The following CDC42 variants were observed in gnomAD, a reference collection of about 807,000 sequenced individuals.
The protein encoded by CDC42 is cell division cycle 42.
Under a neutral mutation model 20.8 loss-of-function variants are expected in CDC42, and 1 was observed. The ratio of observed to expected loss-of-function variants is 0.05; its 90% confidence interval spans 0.02 to 0.23. The LOEUF is 0.23. CDC42 is among the 10% of genes least tolerant of loss of function. The pLI is 1.00. For synonymous variants in CDC42, 72 were observed against 84.8 expected, an observed-to-expected ratio of 0.85 and a Z score of 0.83; for missense variants, 49 against 227.9, an observed-to-expected ratio of 0.21 and a Z score of 5.05.
At chr1:22,067,715 A>G (rs986228610) in intron 1 of CDC42, among the ~76,000 whole-genome samples, 1 of 152,100 alleles carries the variant, frequency 6.6e-6, no homozygotes, top group Non-Finnish European at 1.5e-5. Flanking sequence ...GGTGTCTTAT[A>G]AGGCCACTAA....
intron 1 of CDC42, among the ~76,000 whole-genome samples, chr1:22,073,660 T>C (rs1645517341): frequency 6.6e-6 from 1 of 152,172 alleles, no homozygotes; most frequent in Non-Finnish European, 1.5e-5. Context: ...ATTGGCAGAA[T>C]CATTTTAAAA....
At chr1:22,058,778 C>T (rs532481256) in intron 1 of CDC42, among the ~76,000 whole-genome samples, 5 of 151,908 alleles carry the variant, frequency 3.3e-5, no homozygotes, top group African/African-American at 7.2e-5. Flanking sequence ...GGATTACAGG[C>T]GTGAACCACC....
At chr1:22,058,254 T>C (rs1270055980) in intron 1 of CDC42, among the ~76,000 whole-genome samples, 1 of 152,214 alleles carries the variant, frequency 6.6e-6, no homozygotes, top group African/African-American at 2.4e-5. Context: ...TCAGGACTGC[T>C]AGAGTGATGT....
In CDC42 at chr1:22,100,474, G is replaced by A. The variant is rs1257232170; in HGVS notation, c.*8957G>A. 6.6e-6 allele frequency: 1 copy of A among 152,230 alleles called. No homozygotes were observed. Among genetic ancestry groups the A allele is most frequent in the Admixed American group, 6.5e-5 (1 of 15,290 alleles). The allele number at this position is 152,230 out of a possible 1,614,324, so 9.4% of individuals were successfully genotyped here. ...TAACTTGATCTATGTCTTCAGGCAA[G>A]TAACTTAAATGCTCTGAGTGTTGCA... On this transcript the variant is annotated 3_prime_UTR_variant, in exon 6 of 6. Transcript: ENST00000656825.
chr1:22,093,037 CA>C lies in CDC42; in HGVS notation c.*1523del. On this transcript the variant is annotated 3_prime_UTR_variant, in exon 6 of 6. Coordinates refer to ENST00000656825, the MANE Select transcript of CDC42 (RefSeq NM_001791.4). ...GACTCTTGATAACATCAATTTCTAA[CA>C]AACTTTGGGATAAAATTTTAAAGCT... 1 of 152,730 alleles carries C rather than the reference CA, an allele frequency of 6.5e-6. No individual in the cohort carries two copies. The highest frequency in any genetic ancestry group is 2.4e-5 in the African/African-American group (1 of 41,582). The allele number at this position is 152,730 out of a possible 1,614,324, so 9.5% of individuals were successfully genotyped here. A position where few individuals can be genotyped will look rare whatever the true frequency, so the allele number is the denominator to read the frequency against.
At chr1:22,068,003 C>T (rs576847564) in intron 1 of CDC42, among the ~76,000 whole-genome samples, 19 of 152,142 alleles carry the variant, frequency 1.2e-4, no homozygotes, top group African/African-American at 4.3e-4. Flanking sequence ...ATCCCTTGAG[C>T]CCAGGAAGGT....
At chr1:22,069,634 T>TAAA in intron 1 of CDC42, among the ~76,000 whole-genome samples, 4 of 145,826 alleles carry the variant, frequency 2.7e-5, no homozygotes, top group Non-Finnish European at 6.0e-5. Context: ...TTTTTTTTTT[T>TAAA]TTTTTAATTT....
At chr1:22,090,806 A>C in intron 5 of CDC42, 1 of 984,940 alleles carries the variant, frequency 1.0e-6, no homozygotes, top group Non-Finnish European at 1.2e-6. Flanking sequence ...CGTTTGTATA[A>C]ATGCCTGATG....
At chr1:22,064,667 A>G (rs1460375154) in intron 1 of CDC42, among the ~76,000 whole-genome samples, 2 of 147,590 alleles carry the variant, frequency 1.4e-5, no homozygotes, top group Non-Finnish European at 1.5e-5. Context: ...ACAGCCTGCT[A>G]TAGAAGATTG....
chr1:22,088,844 A>G (rs978779454), intron 5 of CDC42, among the ~76,000 whole-genome samples: 1 of 152,112 alleles, frequency 6.6e-6, no homozygotes, highest in Non-Finnish European at 1.5e-5. Flanking sequence ...TTTAACTTTT[A>G]TGTGGCATTT....
intron 5 of CDC42, among the ~76,000 whole-genome samples, chr1:22,089,617 A>G (rs1490327731): frequency 1.3e-5 from 2 of 152,230 alleles, no homozygotes; most frequent in African/African-American, 4.8e-5. Context: ...TTAGTCTGCT[A>G]TTTGTGTCCT....
chr1:22,076,219 A>C (rs890283092), intron 1 of CDC42, among the ~76,000 whole-genome samples: 2 of 151,912 alleles, frequency 1.3e-5, no homozygotes, highest in African/African-American at 2.4e-5. Flanking sequence ...TAGCACTTTG[A>C]GGGGCCCAGG....
chr1:22,054,646 T>C (rs1645275333), intron 1 of CDC42, among the ~76,000 whole-genome samples: 1 of 151,910 alleles, frequency 6.6e-6, no homozygotes, highest in Admixed American at 6.6e-5. Context: ...AGAGAACAGA[T>C]TGGTAAACAC....
At chr1:22,064,432 A>G (rs1645399492) in intron 1 of CDC42, among the ~76,000 whole-genome samples, 1 of 151,964 alleles carries the variant, frequency 6.6e-6, no homozygotes, top group South Asian at 2.1e-4. Context: ...AGCTGGGAGT[A>G]CAGGTGTGCA....
At chr1:22,055,380 A>G (rs530243228) in intron 1 of CDC42, among the ~76,000 whole-genome samples, 7 of 152,076 alleles carry the variant, frequency 4.6e-5, no homozygotes, top group African/African-American at 1.7e-4. Flanking sequence ...TACTCTTAAA[A>G]TGTTTTCATG....
Position 22,091,791 on chromosome 1 carries a change from GTGTTTTTTTT to G in CDC42, c.*276_*285del, listed in dbSNP as rs1645719293. 3.9e-5 allele frequency: 3 copies of G among 77,888 alleles called. 1 individual carries two copies. The highest frequency in any genetic ancestry group is 6.6e-5 in the Non-Finnish European group (3 of 45,192). The allele number at this position is 77,888 out of a possible 1,614,324, so 4.8% of individuals were successfully genotyped here. ...TCAAAAAAAAAATTTTTGTGTGTGT[GTGTTTTTTTT>G]TTTTTTTTTTTTGTTGTTTAAAAGC... On this transcript the variant is annotated 3_prime_UTR_variant, in exon 6 of 6. Coordinates refer to ENST00000656825, the MANE Select transcript of CDC42 (RefSeq NM_001791.4).
At chr1:22,056,969 T>C (rs1405283107) in intron 1 of CDC42, among the ~76,000 whole-genome samples, 1 of 152,244 alleles carries the variant, frequency 6.6e-6, no homozygotes. Flanking sequence ...TCTGTAAAAT[T>C]AAGCCATTGC....
chr1:22,086,730 T>C lies in CDC42; in HGVS notation c.350T>C (p.Ile117Thr). ...KTPFLLVGTQ[I>T]DLRDDPSTIE... Reference sequence around the variant, plus strand: ...CCTTTCTTGCTTGTTGGGACTCAAATTGATCTCAGAGATGACCCCTCTACT... The same window carrying C: ...CCTTTCTTGCTTGTTGGGACTCAAACTGATCTCAGAGATGACCCCTCTACT... The change falls in exon 5 of 6, where the codon ATT becomes ACT. Residue 117 changes from isoleucine (I) to threonine (T), a missense_variant. Physicochemically the swap from Ile to Thr is moderately conservative, Grantham distance 89. Transcript: ENST00000656825. The C allele has an allele frequency of 1.2e-6, 2 of 1,614,080 alleles. No individual in the cohort carries two copies. Among genetic ancestry groups the C allele is most frequent in the East Asian group, 2.2e-5 (1 of 44,878 alleles).
At chr1:22,057,719 C>CCTTTTTTTTTT (rs1341130081) in intron 1 of CDC42, among the ~76,000 whole-genome samples, 1 of 151,192 alleles carries the variant, frequency 6.6e-6, no homozygotes, top group Admixed American at 6.6e-5. Context: ...GATTGCTTTA[C>CCTTTTTTTTTT]CTTTTTTTTT....
Sources: allele counts gnomAD v4.1 joint callset (sites outside exome capture counted in the v4.1 genomes callset), GRCh38; gene constraint gnomAD v4.1.1; transcripts MANE v1.5; gene names NCBI Gene and HGNC (gene_info 2026-07-23, HGNC 2026-07-21).